The following ZNF362 variants were observed in gnomAD, a reference collection of about 807,000 sequenced individuals.
ZNF362 encodes the protein zinc finger protein 362, also known as rotund homolog.
Under a neutral mutation model 42.9 loss-of-function variants are expected in ZNF362, and 11 were observed. The observed-to-expected ratio is 0.26, with a 90% CI of 0.16 to 0.42. ZNF362 has a LOEUF of 0.42. Ranked by LOEUF, ZNF362 falls within the 20% of genes least tolerant of loss-of-function variation. The pLI, the probability that ZNF362 is intolerant of heterozygous loss-of-function variation, is 1.00. For synonymous variants in ZNF362, 255 were observed against 257.3 expected (o/e 0.99, Z 0.09); for missense variants, 362 against 576.2 (o/e 0.63, Z 3.81).
the ZNF362 span, among the ~76,000 whole-genome samples, chr1:33,152,482 G>T: frequency 6.6e-6 from 1 of 151,692 alleles, no homozygotes; most frequent in Non-Finnish European, 1.5e-5. Flanking sequence ...CAGGAGAATC[G>T]CTTGAATCTG....
rs113265040 is a variant in ZNF362, at chr1:33,260,640, G to A, written c.-89+3986G>A. 2.0e-3 allele frequency among the ~76,000 whole-genome samples: 310 copies of A among 152,258 alleles called. 5 individuals carry two copies. Among genetic ancestry groups the A allele is most frequent in the African/African-American group, 6.7e-3 (279 of 41,520 alleles). ...CTACACCATTAGAACATGCTGAAGC[G>A]CCATGCGTGTGAGTGAGCAGGTGGT... On this transcript the variant is annotated intron_variant, in intron 1 of 8. Transcript: ENST00000539719.
chr1:33,141,097 T>C, the ZNF362 span, among the ~76,000 whole-genome samples: 1 of 152,132 alleles, frequency 6.6e-6, no homozygotes, highest in African/African-American at 2.4e-5. Flanking sequence ...ATCAGCCATG[T>C]TGGGGCCCGT....
the ZNF362 span, among the ~76,000 whole-genome samples, chr1:33,228,094 A>G: frequency 1.9e-4 from 29 of 151,952 alleles, no homozygotes; most frequent in Non-Finnish European, 3.5e-4. Flanking sequence ...CTCTCTTCTG[A>G]GCTCATGACC....
At chr1:33,292,300 G>T (rs539846876) in intron 6 of ZNF362, among the ~76,000 whole-genome samples, 2 of 152,314 alleles carry the variant, frequency 1.3e-5, no homozygotes, top group East Asian at 3.9e-4. Flanking sequence ...TTTGTCAAAG[G>T]CCTTTTCTGC....
the ZNF362 span, among the ~76,000 whole-genome samples, chr1:33,242,317 C>T: frequency 6.6e-6 from 1 of 152,116 alleles, no homozygotes; most frequent in Non-Finnish European, 1.5e-5. Flanking sequence ...AGGGACAGTA[C>T]AGTGACCGTG....
upstream of ZNF362, chr1:33,256,450 C>CCCGCCG (rs761575797): frequency 0.67 from 104,918 of 157,124 alleles, 34,499 homozygotes; most frequent in East Asian, 0.74. Flanking sequence ...GACCCAGCCT[C>CCCGCCG]CCGCCGCCGC....
At chr1:33,139,203 G>A in the ZNF362 span, among the ~76,000 whole-genome samples, 1 of 152,100 alleles carries the variant, frequency 6.6e-6, no homozygotes, top group Non-Finnish European at 1.5e-5. Flanking sequence ...TCTAGGTGTC[G>A]GGGGAATGAT....
the ZNF362 span, among the ~76,000 whole-genome samples, chr1:33,138,640 A>AAAG: frequency 3.9e-3 from 586 of 149,500 alleles, 1 homozygote; most frequent in African/African-American, 9.6e-3. Flanking sequence ...AAAAAAAAAA[A>AAAG]AAAAAGAAAA....
At chr1:33,151,264 TACAGGGCCTGCCACTC>T in the ZNF362 span, among the ~76,000 whole-genome samples, 1 of 152,004 alleles carries the variant, frequency 6.6e-6, no homozygotes, top group Non-Finnish European at 1.5e-5. Context: ...ACAGGATGGG[TACAGGGCCTGCCACTC>T]ACTGGGCCGG....
chr1:33,274,195 GT>G (rs569531552), intron 2 of ZNF362, among the ~76,000 whole-genome samples: 75 of 152,332 alleles, frequency 4.9e-4, no homozygotes, highest in South Asian at 1.9e-3. Context: ...CCCTGAATAC[GT>G]AAGGGACTGA....
chr1:33,257,285 C>T (rs1645799685), intron 1 of ZNF362, among the ~76,000 whole-genome samples: 2 of 149,888 alleles, frequency 1.3e-5, no homozygotes, highest in African/African-American at 2.5e-5. Flanking sequence ...GCGAGCCTTT[C>T]GGGGAGGTGA....
chr1:33,284,286 GT>G (rs1300088932), intron 6 of ZNF362, among the ~76,000 whole-genome samples: 1 of 152,154 alleles, frequency 6.6e-6, no homozygotes, highest in African/African-American at 2.4e-5. Context: ...TGCAGTCCTT[GT>G]TTCTTACTCT....
chr1:33,146,896 A>C, the ZNF362 span: 1 of 448,800 alleles, frequency 2.2e-6, no homozygotes, highest in Non-Finnish European at 4.0e-6. Context: ...GAAGATGGGG[A>C]TGAGGGTTGG....
intron 1 of ZNF362, among the ~76,000 whole-genome samples, chr1:33,258,240 G>A (rs890051881): frequency 2.0e-5 from 3 of 152,260 alleles, no homozygotes; most frequent in African/African-American, 4.8e-5. Flanking sequence ...GGCTCCGCAG[G>A]CTGCCGAGGG....
the ZNF362 span, among the ~76,000 whole-genome samples, chr1:33,240,528 A>T: frequency 6.6e-6 from 1 of 152,208 alleles, no homozygotes; most frequent in African/African-American, 2.4e-5. Context: ...ACATGAGCAA[A>T]TTCTTACTAC....
the ZNF362 span, among the ~76,000 whole-genome samples, chr1:33,235,767 T>G: frequency 6.6e-6 from 1 of 152,194 alleles, no homozygotes; most frequent in Admixed American, 6.5e-5. Flanking sequence ...CTAACAGGAT[T>G]CTTGCTGAAG....
intron 1 of ZNF362, 144 bp from the exon 2 acceptor site, chr1:33,270,343 C>T: frequency 2.1e-6 from 1 of 479,530 alleles, no homozygotes; most frequent in East Asian, 3.6e-5. Flanking sequence ...TCTCTCTGTG[C>T]TGCACGTGCA....
the ZNF362 span, among the ~76,000 whole-genome samples, chr1:33,231,203 T>C: frequency 2.0e-5 from 3 of 152,192 alleles, no homozygotes; most frequent in African/African-American, 7.2e-5. Context: ...GATGAGACGA[T>C]TGCTCAGTGT....
At chr1:33,233,630 C>G in the ZNF362 span, among the ~76,000 whole-genome samples, 1 of 152,174 alleles carries the variant, frequency 6.6e-6, no homozygotes, top group Admixed American at 6.5e-5. Context: ...TCTTGAACTC[C>G]TGACCTGAAA....
Sources: allele counts gnomAD v4.1 joint callset (sites outside exome capture counted in the v4.1 genomes callset), GRCh38; gene constraint gnomAD v4.1.1; transcripts MANE v1.5; gene names NCBI Gene and HGNC (gene_info 2026-07-23, HGNC 2026-07-21).